SUSD4: variants seen among roughly 807,000 people sequenced by gnomAD.
The protein encoded by SUSD4 is sushi domain containing 4, also known as sushi domain-containing protein 4.
SUSD4 carries 41 observed loss-of-function variants against 50.5 expected under a neutral mutation model. That is an observed-to-expected ratio of 0.81 (90% confidence interval 0.63 to 1.05). The LOEUF is 1.05. Ranked by LOEUF, SUSD4 falls within the 50% of genes least tolerant of loss-of-function variation. The probability of loss-of-function intolerance (pLI) is 0.00; values close to 1 mark genes in which losing one functional copy is unlikely to be tolerated. For synonymous variants in SUSD4, 257 were observed against 257.3 expected, an observed-to-expected ratio of 1.00 and a Z score of 0.01; for missense variants, 580 against 634.7, an observed-to-expected ratio of 0.91 and a Z score of 0.93.
At chr1:223,273,327 AGGCAT>A in intron 3 of SUSD4, among the ~76,000 whole-genome samples, 1 of 152,340 alleles carries the variant, frequency 6.6e-6, no homozygotes, top group South Asian at 2.1e-4. Context: ...GCATGGGCCA[AGGCAT>A]GATCTGATTT....
chr1:223,229,196 C>T lies in SUSD4; in HGVS notation c.916+1G>A. 1 of 1,596,744 alleles carries T rather than the reference C, an allele frequency of 6.3e-7. No individual in the cohort carries two copies. The highest frequency in any genetic ancestry group is 8.6e-7 in the Non-Finnish European group (1 of 1,165,488). On this transcript the variant is annotated splice_donor_variant, in intron 6 of 8. Coordinates refer to ENST00000366878, the MANE Select transcript of SUSD4 (RefSeq NM_017982.4). LOFTEE classifies it high-confidence loss of function. The surrounding 1 kb of genome is among the most constrained non-coding windows in gnomAD (Gnocchi z 4.7). ...TCCAAGGGTGAGGCCTTCAGTCTTACCTGATTTGATGCAGTAGACTTGATA... is the reference window on the plus strand; with the variant it reads ...TCCAAGGGTGAGGCCTTCAGTCTTATCTGATTTGATGCAGTAGACTTGATA...
At chr1:223,260,138 C>T (rs1661997741) in intron 5 of SUSD4, among the ~76,000 whole-genome samples, 1 of 152,112 alleles carries the variant, frequency 6.6e-6, no homozygotes, top group Non-Finnish European at 1.5e-5. Context: ...ATGCAGAAGC[C>T]CCCGTGTGCC....
At chr1:223,317,282 A>G (rs915080918) in intron 2 of SUSD4, among the ~76,000 whole-genome samples, 1 of 152,240 alleles carries the variant, frequency 6.6e-6, no homozygotes, top group Non-Finnish European at 1.5e-5. Flanking sequence ...TACAAATGCC[A>G]TGGCAACATC....
chr1:223,268,595 G>T lies in SUSD4; in HGVS notation c.442C>A (p.His148Asn). 6.2e-7 allele frequency: 1 copy of T among 1,614,012 alleles called. No homozygotes were observed. Among genetic ancestry groups the T allele is most frequent in the Middle Eastern group, 1.6e-4 (1 of 6,062 alleles). Residue 148 changes from histidine to asparagine, a missense_variant, in exon 4 of 9, where the codon CAT (histidine) becomes AAT (asparagine). His to Asn is a moderately conservative substitution (Grantham distance 68). Transcript: ENST00000366878. ...GGGTACCGGATCTTGAATCCTTCATGACAAGTGATGATTAGCTTCTCTCCA... is the reference window on the plus strand; with the variant it reads ...GGGTACCGGATCTTGAATCCTTCATTACAAGTGATGATTAGCTTCTCTCCA... Reference protein sequence around the residue: ...RHGEKLIITCHEGFKIRYPDL... With the variant: ...RHGEKLIITCNEGFKIRYPDL...
At chr1:223,252,704 T>C (rs1301246915) in intron 5 of SUSD4, among the ~76,000 whole-genome samples, 1 of 149,552 alleles carries the variant, frequency 6.7e-6, no homozygotes, top group Non-Finnish European at 1.5e-5. Flanking sequence ...AAAATATGAA[T>C]TTCCATATAA....
rs1659782666 is a variant in SUSD4 at position 223,229,969 on chromosome 1, A to G, written c.725-581T>C. Among the ~76,000 whole-genome samples, 2 of 152,178 alleles carry G rather than the reference A, an allele frequency of 1.3e-5. No individual in the cohort carries two copies. The highest frequency in any genetic ancestry group is 4.8e-5 in the African/African-American group (2 of 41,452). On this transcript the variant is annotated intron_variant, in intron 5 of 8. Coordinates refer to ENST00000366878, the MANE Select transcript of SUSD4 (RefSeq NM_017982.4). This position sits in a 1 kb window ranked among gnomAD's most constrained non-coding sequence, Gnocchi z 4.7. ...GCAACCAGAGTTAGGTGCCTTGGGC[A>G]TGAGGCTTGGTTCTGCCACCAACAC...
chr1:223,285,780 A>G (rs892384844), intron 3 of SUSD4, among the ~76,000 whole-genome samples: 2 of 152,228 alleles, frequency 1.3e-5, no homozygotes, highest in Non-Finnish European at 2.9e-5. Context: ...TACACGTGAG[A>G]GCTAAGCAAT....
intron 5 of SUSD4, among the ~76,000 whole-genome samples, chr1:223,230,223 C>T (rs1659803508): frequency 1.3e-5 from 2 of 152,094 alleles, no homozygotes; most frequent in South Asian, 4.2e-4. Context: ...AAGACGGCTT[C>T]AGTGGGAGTT....
At chr1:223,235,213 G>T in intron 5 of SUSD4, 1 of 1,159,238 alleles carries the variant, frequency 8.6e-7, no homozygotes, top group Non-Finnish European at 1.2e-6. Context: ...ATTTTTAAGA[G>T]CAGTTTTAGG....
At chr1:223,262,994 A>G (rs1640849) in intron 5 of SUSD4, among the ~76,000 whole-genome samples, 53,146 of 152,054 alleles carry the variant, frequency 0.35, 9,710 homozygotes, top group Non-Finnish European at 0.41. Flanking sequence ...TGCCTATCCA[A>G]TCATATTCTC....
intron 2 of SUSD4, among the ~76,000 whole-genome samples, chr1:223,305,554 T>G (rs1246556707): frequency 6.6e-6 from 1 of 152,214 alleles, no homozygotes; most frequent in Non-Finnish European, 1.5e-5. Context: ...TTCAGTGTAT[T>G]GTCAGTCATA....
intron 5 of SUSD4, chr1:223,230,476 C>T (rs1659821660): frequency 6.6e-6 from 1 of 152,160 alleles, no homozygotes; most frequent in Admixed American, 6.5e-5. Flanking sequence ...GCAGAACAGG[C>T]ACTGCCCACC....
chr1:223,341,909 GTA>G (rs1667781587), intron 2 of SUSD4, among the ~76,000 whole-genome samples: 1 of 152,120 alleles, frequency 6.6e-6, no homozygotes, highest in Non-Finnish European at 1.5e-5. Flanking sequence ...GCCAAGTTAA[GTA>G]ACTTCTCGGG....
chr1:223,319,928 G>C (rs989349054), intron 2 of SUSD4, among the ~76,000 whole-genome samples: 1 of 152,168 alleles, frequency 6.6e-6, no homozygotes, highest in Non-Finnish European at 1.5e-5. Flanking sequence ...AAATCCAGTC[G>C]TACCACTTAT....
intron 2 of SUSD4, among the ~76,000 whole-genome samples, chr1:223,351,684 G>C (rs1485655513): frequency 1.3e-5 from 2 of 151,978 alleles, no homozygotes; most frequent in African/African-American, 4.8e-5. Flanking sequence ...GGGTCAGCAG[G>C]GCTAACATGA....
chr1:223,288,290 T>G (rs1348569655), intron 3 of SUSD4, among the ~76,000 whole-genome samples: 2 of 152,208 alleles, frequency 1.3e-5, no homozygotes, highest in African/African-American at 4.8e-5. Flanking sequence ...CCTGCCACCA[T>G]GTATGCCGTA....
intron 5 of SUSD4, among the ~76,000 whole-genome samples, chr1:223,251,969 AC>A (rs1375531788): frequency 2.0e-5 from 3 of 150,674 alleles, no homozygotes; most frequent in Non-Finnish European, 4.4e-5. Flanking sequence ...TATTGCAAGG[AC>A]AAAAAACCAA....
intron 5 of SUSD4, among the ~76,000 whole-genome samples, chr1:223,242,350 CAGG>C (rs1660640748): frequency 6.6e-6 from 1 of 152,176 alleles, no homozygotes; most frequent in African/African-American, 2.4e-5. Context: ...GCATTTGGGC[CAGG>C]CACTCATTTC....
chr1:223,268,412 TA>T (rs1453920137), intron 4 of SUSD4, 89 bp downstream of exon 4: 2 of 1,481,402 alleles, frequency 1.4e-6, no homozygotes, highest in African/African-American at 2.8e-5. Flanking sequence ...CCATCATCTC[TA>T]TCACTTTATT....
Sources: allele counts gnomAD v4.1 joint callset (sites outside exome capture counted in the v4.1 genomes callset), GRCh38; gene constraint gnomAD v4.1.1; non-coding constraint Gnocchi (gnomAD v3.1); transcripts MANE v1.5; gene names NCBI Gene and HGNC (gene_info 2026-07-23, HGNC 2026-07-21).